Variants in LRRC7 observed in about 807,000 individuals in gnomAD.
The protein encoded by LRRC7 is leucine-rich repeat-containing protein 7.
LRRC7 carries 23 observed loss-of-function variants against 175.7 expected under a neutral mutation model. That is an observed-to-expected ratio of 0.13 (90% confidence interval 0.09 to 0.19). The LOEUF (loss-of-function observed/expected upper bound fraction) is 0.19. LRRC7 is among the 10% of genes least tolerant of loss of function. LRRC7 has a pLI of 1.00. For missense variants in LRRC7, 1,354 were observed against 1,904.7 expected (o/e 0.71, Z 5.38); for synonymous variants, 685 against 680.9 (o/e 1.01, Z -0.09).
chr1:70,069,501 C>T (rs1367410349), intron 23 of LRRC7, among the ~76,000 whole-genome samples: 5 of 152,106 alleles, frequency 3.3e-5, no homozygotes, highest in Non-Finnish European at 7.4e-5. Context: ...CACAGCCAAA[C>T]TTTATCAGAG....
At chr1:69,579,147 T>G (rs1038627046) in intron 1 of LRRC7, among the ~76,000 whole-genome samples, 2 of 152,030 alleles carry the variant, frequency 1.3e-5, no homozygotes, top group Non-Finnish European at 2.9e-5. Flanking sequence ...ATCAACATAA[T>G]AAAATGTAAT....
At chr1:70,071,034 G>C (rs1282034545) in intron 23 of LRRC7, among the ~76,000 whole-genome samples, 1 of 152,156 alleles carries the variant, frequency 6.6e-6, no homozygotes, top group Non-Finnish European at 1.5e-5. Flanking sequence ...AGAAGTCTGG[G>C]CTCAACACTT....
chr1:70,039,886 A>G lies in LRRC7; in HGVS notation c.3969+93A>G, dbSNP rs938401388. 4.3e-6 allele frequency: 6 copies of G among 1,403,946 alleles called. No homozygotes were observed. In the East Asian group the frequency reaches 6.9e-5, roughly 16 times the overall value. The allele number at this position is 1,403,946 out of a possible 1,614,324, so 87.0% of individuals were successfully genotyped here. A position where few individuals can be genotyped will look rare whatever the true frequency, so the allele number is the denominator to read the frequency against. ...GCACATGTAGTGAAGCATGAACTAC[A>G]TGAATGAATTAGATGATCAGTATTT... On this transcript the variant is annotated intron_variant, in intron 21 of 26. Coordinates refer to ENST00000651989, the MANE Select transcript of LRRC7 (RefSeq NM_001370785.2).
chr1:70,006,257 G>T (rs1241825129), intron 11 of LRRC7, among the ~76,000 whole-genome samples: 2 of 151,964 alleles, frequency 1.3e-5, no homozygotes, highest in African/African-American at 2.4e-5. Flanking sequence ...ATTGCCCATG[G>T]TGCAGTCAAA....
chr1:69,596,325 G>C (rs1646843622), intron 1 of LRRC7, among the ~76,000 whole-genome samples: 1 of 152,120 alleles, frequency 6.6e-6, no homozygotes, highest in African/African-American at 2.4e-5. Flanking sequence ...ACAAAACCCT[G>C]GAAATTTGGC....
intron 8 of LRRC7, among the ~76,000 whole-genome samples, chr1:69,953,393 C>T (rs1650151373): frequency 6.6e-6 from 1 of 152,020 alleles, no homozygotes; most frequent in Non-Finnish European, 1.5e-5. Flanking sequence ...TTCCCCTCCT[C>T]TAAACTCCTC....
chr1:70,028,109 A>G, intron 17 of LRRC7, 62 bp from the exon 18 acceptor site: 1 of 1,357,086 alleles, frequency 7.4e-7, no homozygotes, highest in Non-Finnish European at 1.0e-6. Flanking sequence ...AAAATGGGAT[A>G]GTTTTGTGAA....
intron 1 of LRRC7, among the ~76,000 whole-genome samples, chr1:69,674,655 G>T (rs2100588133): frequency 6.6e-6 from 1 of 152,122 alleles, no homozygotes; most frequent in South Asian, 2.1e-4. Context: ...TCGGAAAATT[G>T]TCATTAGTAA....
chr1:69,616,696 T>C (rs1649675943), intron 1 of LRRC7, among the ~76,000 whole-genome samples: 1 of 152,094 alleles, frequency 6.6e-6, no homozygotes, highest in Admixed American at 6.6e-5. Flanking sequence ...ACCAGCTTAG[T>C]TTAGGCTCTG....
chr1:69,656,005 G>A (rs931017270), intron 1 of LRRC7, among the ~76,000 whole-genome samples: 4 of 151,990 alleles, frequency 2.6e-5, no homozygotes, highest in South Asian at 2.1e-4. Flanking sequence ...GGAGACATTT[G>A]AACTGCCTAC....
chr1:70,069,902 T>C (rs987070646), intron 23 of LRRC7, among the ~76,000 whole-genome samples: 2 of 152,238 alleles, frequency 1.3e-5, no homozygotes, highest in Non-Finnish European at 2.9e-5. Context: ...ATTCACTGAC[T>C]GAGTTTTTGA....
intron 4 of LRRC7, among the ~76,000 whole-genome samples, chr1:69,803,257 C>T (rs575918039): frequency 8.5e-4 from 129 of 151,294 alleles, no homozygotes; most frequent in African/African-American, 2.8e-3. Flanking sequence ...TGAATTCTTC[C>T]GCAAGAATAT....
chr1:70,112,111 T>C (rs950846305), intron 26 of LRRC7, among the ~76,000 whole-genome samples: 3 of 152,222 alleles, frequency 2.0e-5, no homozygotes, highest in African/African-American at 7.2e-5. Context: ...GATATTTTTC[T>C]TTTTTTCTTG....
intron 1 of LRRC7, among the ~76,000 whole-genome samples, chr1:69,673,325 T>C (rs1659355477): frequency 6.6e-6 from 1 of 152,224 alleles, no homozygotes; most frequent in African/African-American, 2.4e-5. Context: ...TTAATTGCTA[T>C]TTCATGCTAT....
At chr1:69,677,699 T>C (rs1214864104) in intron 1 of LRRC7, among the ~76,000 whole-genome samples, 1 of 152,090 alleles carries the variant, frequency 6.6e-6, no homozygotes, top group Non-Finnish European at 1.5e-5. Context: ...ATGACCTTAG[T>C]TTTTTAAATT....
intron 24 of LRRC7, among the ~76,000 whole-genome samples, chr1:70,081,643 A>G (rs1377420423): frequency 6.6e-6 from 1 of 152,228 alleles, no homozygotes; most frequent in Non-Finnish European, 1.5e-5. Flanking sequence ...TGACACTGGA[A>G]GAGTGAAACG....
At chr1:69,954,180 A>G (rs1454000104) in intron 8 of LRRC7, among the ~76,000 whole-genome samples, 1 of 151,924 alleles carries the variant, frequency 6.6e-6, no homozygotes, top group Non-Finnish European at 1.5e-5. Context: ...TTGGATTTGG[A>G]TAGGTGGGGA....
At chr1:69,911,688 T>C (rs1646536087) in intron 7 of LRRC7, among the ~76,000 whole-genome samples, 1 of 152,188 alleles carries the variant, frequency 6.6e-6, no homozygotes, top group Non-Finnish European at 1.5e-5. Flanking sequence ...ATGACATTTC[T>C]CATCTCTGAT....
At chr1:69,826,364 G>A (rs1679913251) in intron 5 of LRRC7, among the ~76,000 whole-genome samples, 3 of 152,082 alleles carry the variant, frequency 2.0e-5, no homozygotes, top group Admixed American at 1.3e-4. Flanking sequence ...ATCAGAAAAT[G>A]GGTATTTGTA....
Sources: gnomAD v4.1 joint callset for allele counts (sites outside exome capture counted in the v4.1 genomes callset) on GRCh38, gnomAD v4.1.1 for gene constraint, MANE v1.5 for transcripts, NCBI Gene and HGNC (gene_info 2026-07-23, HGNC 2026-07-21) for gene names.